POF1B: variants seen among roughly 807,000 people sequenced by gnomAD.
The protein encoded by POF1B is protein POF1B.
Under a neutral mutation model 55.3 loss-of-function variants are expected in POF1B, and 53 were observed. The ratio of observed to expected loss-of-function variants is 0.96; its 90% CI spans 0.77 to 1.20. The LOEUF (loss-of-function observed/expected upper bound fraction) is 1.20, where lower values mean the gene tolerates loss of function less well. POF1B is among the 50% of genes most tolerant of loss of function. POF1B has a pLI of 0.00. For synonymous variants in POF1B, 188 were observed against 148.3 expected (o/e 1.27, Z -1.95); for missense variants, 478 against 420.5 (o/e 1.14, Z -1.20).
At chrX:85,362,538 T>C (rs764586574) in intron 3 of POF1B, among the ~76,000 whole-genome samples, 6 of 112,234 alleles carry the variant, frequency 5.3e-5, no homozygotes, top group South Asian at 3.7e-4. Context: ...ATGTGATGCA[T>C]AGCATTTATT....
chrX:85,279,754 T>G (rs1469140411), intron 16 of POF1B, among the ~76,000 whole-genome samples: 3 of 111,347 alleles, frequency 2.7e-5, no homozygotes, highest in African/African-American at 9.7e-5. Context: ...TTAAATATAT[T>G]CTGACCTTGC....
chrX:85,303,550 A>T, intron 14 of POF1B, 62 bp from the exon 15 acceptor site: 1 of 780,366 alleles, frequency 1.3e-6, no homozygotes, highest in Non-Finnish European at 1.9e-6. Flanking sequence ...TAATAAATAT[A>T]TTTAATCATT....
chrX:85,315,792 A>G (rs1932782427), intron 7 of POF1B, 58 bp from the exon 8 acceptor site: 1 of 905,213 alleles, frequency 1.1e-6, no homozygotes, highest in African/African-American at 2.0e-5. Flanking sequence ...CTGATCATAT[A>G]TAAATGCTAG....
chrX:85,336,449 C>T (rs1448646481), intron 6 of POF1B, among the ~76,000 whole-genome samples: 1 of 110,743 alleles, frequency 9.0e-6, no homozygotes, highest in African/African-American at 3.3e-5. Context: ...TCCCTTTTCT[C>T]CATATACTCA....
intron 2 of POF1B, among the ~76,000 whole-genome samples, chrX:85,373,249 G>A (rs1320454594): frequency 9.0e-6 from 1 of 111,688 alleles, no homozygotes; most frequent in Non-Finnish European, 1.9e-5. Context: ...AATATCAGGA[G>A]CTGGTTTTTA....
chrX:85,300,319 A>G (rs1177037414), intron 15 of POF1B, among the ~76,000 whole-genome samples: 1 of 111,894 alleles, frequency 8.9e-6, no homozygotes, highest in Non-Finnish European at 1.9e-5. Flanking sequence ...AGGACGAGCT[A>G]TAAATTGCCT....
At chrX:85,367,443 A>C (rs1349170868) in intron 3 of POF1B, among the ~76,000 whole-genome samples, 1 of 112,049 alleles carries the variant, frequency 8.9e-6, no homozygotes. Context: ...ATTAAACTGC[A>C]CTCAAACTAA....
Position 85,328,859 on chromosome X carries a change from A to G in POF1B, c.854+2090T>C, listed in dbSNP as rs774269699. Among the ~76,000 whole-genome samples the G allele has an allele frequency of 2.8e-3, 296 of 104,823 alleles. 1 individual carries two copies. The highest frequency in any genetic ancestry group is 7.8e-3 in the Admixed American group (76 of 9,764). 91.0% of individuals were successfully genotyped at this position (104,823 alleles called of 115,157 possible). A position where few individuals can be genotyped will look rare whatever the true frequency, so the allele number is the denominator to read the frequency against. The stretch of plus-strand genomic sequence containing the variant: ...AAAAAAAAAAACAAAACAAACAAAC[A>G]AAAAAAAAAACTGTGACATGAACCC... On this transcript the variant is annotated intron_variant, in intron 7 of 16. Transcript: ENST00000262753.
intron 7 of POF1B, among the ~76,000 whole-genome samples, chrX:85,323,079 G>A (rs1021631133): frequency 1.8e-4 from 20 of 111,117 alleles, no homozygotes; most frequent in African/African-American, 6.6e-4. Context: ...ACTTGACCCA[G>A]CCATCCCATT....
At chrX:85,281,553 T>C (rs1318428641) in intron 16 of POF1B, among the ~76,000 whole-genome samples, 1 of 109,936 alleles carries the variant, frequency 9.1e-6, no homozygotes, top group East Asian at 2.9e-4. Flanking sequence ...GATGCTAAGG[T>C]CCATGTCACC....
chrX:85,379,123 G>A, intron 2 of POF1B, 50 bp downstream of exon 2: 1 of 1,152,901 alleles, frequency 8.7e-7, no homozygotes, highest in East Asian at 3.0e-5. Flanking sequence ...GAGAAATCAG[G>A]TTGAAGATTG....
In POF1B at chrX:85,379,510, G is replaced by A; in HGVS notation, c.-41-15C>T. ...AGATGTTCTACCTAAGGAACAAACA[G>A]AGAAATATAATGGAAAAAAAAGACA... On this transcript the variant is annotated splice_polypyrimidine_tract_variant and intron_variant, in intron 1 of 16. Transcript: ENST00000262753. The A allele has an allele frequency of 1.7e-6, 2 of 1,147,835 alleles. No individual in the cohort carries two copies. The highest frequency in any genetic ancestry group is 4.8e-5 in the Admixed American group (2 of 41,531). The allele number at this position is 1,147,835 out of a possible 1,213,427, so 94.6% of individuals were successfully genotyped here.
At chrX:85,293,074 T>G (rs1416344601) in intron 15 of POF1B, among the ~76,000 whole-genome samples, 1 of 111,938 alleles carries the variant, frequency 8.9e-6, no homozygotes, top group African/African-American at 3.2e-5. Context: ...TATACACTGT[T>G]GGAGGTGTGT....
At chrX:85,322,207 C>A (rs1350810222) in intron 7 of POF1B, among the ~76,000 whole-genome samples, 1 of 111,276 alleles carries the variant, frequency 9.0e-6, no homozygotes, top group Non-Finnish European at 1.9e-5. Flanking sequence ...TACAAGGCTA[C>A]AGTAACCAAA....
chrX:85,379,110 G>C, intron 2 of POF1B, 63 bp downstream of exon 2: 1 of 1,118,734 alleles, frequency 8.9e-7, no homozygotes, highest in Non-Finnish European at 1.2e-6. Flanking sequence ...AAGCAGAAAG[G>C]AAGAGAAATC....
At chrX:85,336,795 A>G (rs930671226) in intron 6 of POF1B, among the ~76,000 whole-genome samples, 1 of 111,323 alleles carries the variant, frequency 9.0e-6, no homozygotes, top group Admixed American at 9.6e-5. Flanking sequence ...GAAGATTTTA[A>G]CTTGATGTAA....
In POF1B at chrX:85,310,452, A is replaced by G. The variant is rs773614073; in HGVS notation, c.958-2236T>C. ...AAACAAAAACCAAACCAAAACAACA[A>G]AGCTCTCAAGGAGTGGGCTAAAAAG... is the stretch of plus-strand genomic sequence containing the variant. On this transcript the variant is annotated intron_variant, in intron 9 of 16. Transcript: ENST00000262753. Among the ~76,000 whole-genome samples, 11 of 112,121 alleles carry G rather than the reference A, an allele frequency of 9.8e-5. No homozygotes were observed. The South Asian group carries it at 3.7e-3, about 38-fold the overall frequency.
intron 7 of POF1B, among the ~76,000 whole-genome samples, chrX:85,320,392 A>G (rs1405100430): frequency 9.0e-6 from 1 of 111,154 alleles, no homozygotes; most frequent in Non-Finnish European, 1.9e-5. Flanking sequence ...TTTGAAACCA[A>G]CGAGAACAAA....
intron 2 of POF1B, among the ~76,000 whole-genome samples, chrX:85,376,282 T>G (rs1417358347): frequency 8.9e-6 from 1 of 111,956 alleles, no homozygotes; most frequent in Non-Finnish European, 1.9e-5. Flanking sequence ...CAATGAGTAA[T>G]TCATATCAAT....
Sources: gnomAD v4.1 joint callset for allele counts (sites outside exome capture counted in the v4.1 genomes callset) on GRCh38, gnomAD v4.1.1 for gene constraint, MANE v1.5 for transcripts, NCBI Gene and HGNC (gene_info 2026-07-23, HGNC 2026-07-21) for gene names.